LSAMP: variants seen among roughly 807,000 people sequenced by gnomAD.
The protein encoded by LSAMP is limbic system associated membrane protein.
In LSAMP, 7 loss-of-function variants were observed where a neutral mutation model predicts 38.6. That is an observed-to-expected ratio of 0.18 (90% confidence interval 0.10 to 0.34). The LOEUF (loss-of-function observed/expected upper bound fraction) is 0.34, where lower values mean the gene tolerates loss of function less well. Among genes scored for constraint, LSAMP ranks in the 10% least tolerant of loss-of-function variants. LSAMP has a pLI of 1.00. For synonymous variants in LSAMP, 154 were observed against 166.8 expected (o/e 0.92, Z 0.59); for missense variants, 313 against 420.0 (o/e 0.75, Z 2.23).
intron 1 of LSAMP, among the ~76,000 whole-genome samples, chr3:116,392,149 G>T (rs1046926378): frequency 2.0e-5 from 3 of 152,182 alleles, no homozygotes; most frequent in Non-Finnish European, 2.9e-5. Context: ...GGCATGGCCG[G>T]GGTACACATT....
At chr3:116,321,866 T>C (rs1056604033) in intron 1 of LSAMP, among the ~76,000 whole-genome samples, 2 of 152,218 alleles carry the variant, frequency 1.3e-5, no homozygotes, top group African/African-American at 4.8e-5. Flanking sequence ...CATGCTTCCC[T>C]GCTCTTAAGG....
At chr3:115,834,742 A>G (rs1934729930) in intron 6 of LSAMP, 1 of 270,798 alleles carries the variant, frequency 3.7e-6, no homozygotes. Context: ...ATTTGTCTGT[A>G]CTTCCTATTA....
chr3:116,415,783 C>T (rs1194351661), intron 1 of LSAMP, among the ~76,000 whole-genome samples: 1 of 152,012 alleles, frequency 6.6e-6, no homozygotes, highest in Non-Finnish European at 1.5e-5. Context: ...TAGGCCCTTG[C>T]AGAAAATGCA....
At chr3:116,357,994 G>A (rs2048248738) in intron 1 of LSAMP, among the ~76,000 whole-genome samples, 1 of 151,880 alleles carries the variant, frequency 6.6e-6, no homozygotes, top group Admixed American at 6.6e-5. Context: ...CTTGGAGGCA[G>A]AAACTCATGA....
chr3:116,445,465 G>A lies in LSAMP; in HGVS notation c.-434C>T. 1 of 448,944 alleles carries A rather than the reference G, an allele frequency of 2.2e-6. No homozygotes were observed. The highest frequency in any genetic ancestry group is 3.9e-6 in the Non-Finnish European group (1 of 257,508). 27.8% of individuals were successfully genotyped at this position (448,944 alleles called of 1,614,324 possible). On this transcript the variant is annotated 5_prime_UTR_variant, in exon 1 of 7. Coordinates refer to ENST00000490035, the MANE Select transcript of LSAMP (RefSeq NM_002338.5). ...GAGCCGGCACCAAGCCTGCCAGTGAGTGTACAGAAACAGCCACACAGCAGC... is the reference window on the plus strand; with the variant it reads ...GAGCCGGCACCAAGCCTGCCAGTGAATGTACAGAAACAGCCACACAGCAGC...
intron 1 of LSAMP, among the ~76,000 whole-genome samples, chr3:116,255,488 CAT>C (rs145337051): frequency 0.061 from 9,330 of 152,208 alleles, 368 homozygotes; most frequent in Middle Eastern, 0.095. Flanking sequence ...CATTTTGAAA[CAT>C]GTGTATTTAT....
At chr3:116,069,988 A>C (rs1707561806) in intron 2 of LSAMP, among the ~76,000 whole-genome samples, 1 of 152,208 alleles carries the variant, frequency 6.6e-6, no homozygotes, top group Non-Finnish European at 1.5e-5. Context: ...AGCTCTGATG[A>C]AACATATAGG....
intron 3 of LSAMP, among the ~76,000 whole-genome samples, chr3:115,958,481 T>C (rs1489848609): frequency 1.3e-5 from 2 of 152,198 alleles, no homozygotes; most frequent in African/African-American, 4.8e-5. Flanking sequence ...AGTATTTTTC[T>C]TCAGTTTGCT....
At chr3:116,402,899 T>C (rs2048855671) in intron 1 of LSAMP, among the ~76,000 whole-genome samples, 1 of 152,038 alleles carries the variant, frequency 6.6e-6, no homozygotes, top group Admixed American at 6.6e-5. Context: ...CTTTACACTG[T>C]CTAGTGAAAA....
intron 3 of LSAMP, among the ~76,000 whole-genome samples, chr3:115,881,454 T>G (rs1335331312): frequency 6.6e-6 from 1 of 152,178 alleles, no homozygotes; most frequent in Non-Finnish European, 1.5e-5. Flanking sequence ...TTTTCAGCCT[T>G]GCAGTGTGCT....
chr3:116,413,614 A>G (rs905449902), intron 1 of LSAMP, among the ~76,000 whole-genome samples: 2 of 152,088 alleles, frequency 1.3e-5, no homozygotes, highest in Non-Finnish European at 2.9e-5. Context: ...AAATTGAATC[A>G]GCACCAAAGT....
chr3:116,102,587 T>A (rs1576363470), intron 1 of LSAMP, among the ~76,000 whole-genome samples: 1 of 152,198 alleles, frequency 6.6e-6, no homozygotes, highest in East Asian at 1.9e-4. Context: ...AAAGGCTAAG[T>A]AAGAAAGAAT....
At chr3:116,410,252 A>T (rs1476729003) in intron 1 of LSAMP, among the ~76,000 whole-genome samples, 1 of 151,794 alleles carries the variant, frequency 6.6e-6, no homozygotes, top group East Asian at 1.9e-4. Flanking sequence ...TTTTTATAAG[A>T]CTCCTGATTC....
chr3:115,911,130 T>C (rs1253782390), intron 3 of LSAMP, among the ~76,000 whole-genome samples: 1 of 152,202 alleles, frequency 6.6e-6, no homozygotes, highest in Admixed American at 6.5e-5. Context: ...ACATGTACTT[T>C]GAAGAGTTGT....
intron 3 of LSAMP, among the ~76,000 whole-genome samples, chr3:115,922,422 C>T (rs1937404515): frequency 1.4e-5 from 2 of 147,596 alleles, no homozygotes; most frequent in South Asian, 4.4e-4. Flanking sequence ...GTTTGGTTTT[C>T]AAATATATAT....
At chr3:115,833,123 A>T (rs980302079) in intron 6 of LSAMP, among the ~76,000 whole-genome samples, 4 of 152,180 alleles carry the variant, frequency 2.6e-5, no homozygotes, top group Non-Finnish European at 2.9e-5. Flanking sequence ...ACAAATGCGT[A>T]TGTGTGTGTT....
intron 1 of LSAMP, among the ~76,000 whole-genome samples, chr3:116,288,668 G>A (rs755283027): frequency 6.6e-6 from 1 of 152,036 alleles, no homozygotes; most frequent in Admixed American, 6.6e-5. Flanking sequence ...CCAAACATGC[G>A]GTATCTACAT....
At chr3:115,959,085 A>T (rs1268721244) in intron 3 of LSAMP, among the ~76,000 whole-genome samples, 1 of 152,128 alleles carries the variant, frequency 6.6e-6, no homozygotes, top group Non-Finnish European at 1.5e-5. Context: ...CCTGATCTAG[A>T]TGTTTCTATC....
At chr3:116,082,636 T>G (rs1306948346) in intron 2 of LSAMP, among the ~76,000 whole-genome samples, 1 of 152,166 alleles carries the variant, frequency 6.6e-6, no homozygotes, top group Non-Finnish European at 1.5e-5. Flanking sequence ...GGAATCAACC[T>G]AAGTGCCTAT....
Sources: gnomAD v4.1 joint callset for allele counts (sites outside exome capture counted in the v4.1 genomes callset) on GRCh38, gnomAD v4.1.1 for gene constraint, MANE v1.5 for transcripts, NCBI Gene and HGNC (gene_info 2026-07-23, HGNC 2026-07-21) for gene names.